The following PTER variants were observed in gnomAD, a reference collection of about 807,000 sequenced individuals.
The protein encoded by PTER is phosphotriesterase related.
A neutral mutation model predicts 29.6 loss-of-function variants in PTER; 38 were observed. The ratio of observed to expected loss-of-function variants is 1.28; its 90% CI spans 0.99 to 1.68. PTER has a LOEUF of 1.68. Ranked by LOEUF, PTER falls within the 40% of genes most tolerant of loss-of-function variation. The probability of loss-of-function intolerance (pLI) is 0.00; values close to 1 mark genes in which losing one functional copy is unlikely to be tolerated. For synonymous variants in PTER, 172 were observed against 154.5 expected, an observed-to-expected ratio of 1.11 and a Z score of -0.84; for missense variants, 482 against 427.8, an observed-to-expected ratio of 1.13 and a Z score of -1.12.
At chr10:16,482,451 T>C (rs879513928) in intron 1 of PTER, among the ~76,000 whole-genome samples, 5 of 152,362 alleles carry the variant, frequency 3.3e-5, no homozygotes, top group Admixed American at 2.0e-4. Flanking sequence ...TTGTTGAATA[T>C]GGTCTGCGTG....
At chr10:16,502,665 G>T (rs1189427996) in intron 3 of PTER, among the ~76,000 whole-genome samples, 1 of 152,008 alleles carries the variant, frequency 6.6e-6, no homozygotes, top group Non-Finnish European at 1.5e-5. Context: ...CGTGGCACAG[G>T]GAGGCTTAAT....
intron 3 of PTER, among the ~76,000 whole-genome samples, chr10:16,501,627 G>T (rs950382727): frequency 6.6e-6 from 1 of 152,170 alleles, no homozygotes; most frequent in Non-Finnish European, 1.5e-5. Context: ...TTCAAGTGCA[G>T]TGTGAGGGTA....
chr10:16,450,171 C>T (rs1328059033), intron 1 of PTER, among the ~76,000 whole-genome samples: 1 of 152,168 alleles, frequency 6.6e-6, no homozygotes, highest in South Asian at 2.1e-4. Context: ...ATGGGTCATA[C>T]TCTGAACCTC....
At chr10:16,487,174 G>A (rs1835734854) in intron 3 of PTER, among the ~76,000 whole-genome samples, 1 of 152,162 alleles carries the variant, frequency 6.6e-6, no homozygotes, top group South Asian at 2.1e-4. Flanking sequence ...TCATGCATTA[G>A]TTTCCTATTG....
chr10:16,450,534 C>G (rs924154389), intron 1 of PTER, among the ~76,000 whole-genome samples: 1 of 152,228 alleles, frequency 6.6e-6, no homozygotes, highest in Admixed American at 6.5e-5. Flanking sequence ...CTTTTCCAGT[C>G]AATGCCCTCA....
chr10:16,510,353 C>T (rs1453155394), intron 4 of PTER, among the ~76,000 whole-genome samples: 1 of 152,178 alleles, frequency 6.6e-6, no homozygotes, highest in Non-Finnish European at 1.5e-5. Flanking sequence ...ATTATTTTAG[C>T]AATCTTGCTG....
At chr10:16,445,114 G>C (rs1343805930) in intron 1 of PTER, among the ~76,000 whole-genome samples, 1 of 152,154 alleles carries the variant, frequency 6.6e-6, no homozygotes, top group Admixed American at 6.5e-5. Context: ...TTAAAAAGGA[G>C]AATAAATGAG....
intron 1 of PTER, among the ~76,000 whole-genome samples, chr10:16,479,963 A>T (rs114242845): frequency 1.3e-5 from 2 of 149,856 alleles, no homozygotes; most frequent in Admixed American, 1.3e-4. Context: ...TGGTGCAAAA[A>T]TAATTCTGGT....
intron 3 of PTER, among the ~76,000 whole-genome samples, chr10:16,490,861 C>A (rs938571415): frequency 7.9e-5 from 12 of 151,796 alleles, no homozygotes; most frequent in African/African-American, 2.7e-4. Flanking sequence ...ACCCTTACTT[C>A]TACCACAGTA....
chr10:16,511,309 A>G lies in PTER; in HGVS notation c.*53A>G. ...AGTATAAAACTTGCAGAGAACATTC[A>G]GCGATTTCCAGTCCACTGTGAGATA... is the stretch of plus-strand genomic sequence containing the variant. On this transcript the variant is annotated 3_prime_UTR_variant, in exon 5 of 5. Coordinates refer to ENST00000535784, the MANE Select transcript of PTER (RefSeq NM_001261836.2). 1 of 1,455,856 alleles carries G rather than the reference A, an allele frequency of 6.9e-7. No homozygotes were observed. Among genetic ancestry groups the G allele is most frequent in the South Asian group, 1.1e-5 (1 of 87,640 alleles). The allele number at this position is 1,455,856 out of a possible 1,614,324, so 90.2% of individuals were successfully genotyped here.
At chr10:16,491,982 A>G (rs1835917334) in intron 3 of PTER, among the ~76,000 whole-genome samples, 2 of 152,120 alleles carry the variant, frequency 1.3e-5, no homozygotes, top group African/African-American at 4.8e-5. Context: ...AACAACAACA[A>G]CAAATTGCTA....
Position 16,486,492 on chromosome 10 carries a change from G to T in PTER, c.573G>T (p.Gln191His). ...RKVLQATAHA[Q>H]AQLGCPVIIH... ...TTCTCCAGGCCACAGCTCATGCCCA[G>T]GCTCAGCTTGGTTGTCCTGTTATTA... Residue 191 changes from glutamine to histidine, a missense_variant, in exon 3 of 5, where the codon CAG (glutamine) becomes CAT (histidine). Physicochemically the swap from Gln to His is conservative, Grantham distance 24. Transcript: ENST00000535784. 1.2e-6 allele frequency: 2 copies of T among 1,614,018 alleles called. No individual in the cohort carries two copies. Among genetic ancestry groups the T allele is most frequent in the Non-Finnish European group, 1.7e-6 (2 of 1,179,960 alleles).
chr10:16,463,299 C>T (rs1440722408), intron 1 of PTER, among the ~76,000 whole-genome samples: 1 of 151,776 alleles, frequency 6.6e-6, no homozygotes, highest in African/African-American at 2.4e-5. Flanking sequence ...TCCTGATAAA[C>T]CACTTAATTA....
chr10:16,502,244 A>G (rs576145216), intron 3 of PTER, among the ~76,000 whole-genome samples: 9 of 152,092 alleles, frequency 5.9e-5, no homozygotes, highest in Non-Finnish European at 1.2e-4. Flanking sequence ...TAATTAACAC[A>G]CTGAATTTAC....
At chr10:16,490,148 C>A (rs1195136282) in intron 3 of PTER, among the ~76,000 whole-genome samples, 1 of 152,302 alleles carries the variant, frequency 6.6e-6, no homozygotes, top group East Asian at 1.9e-4. Context: ...GCCTATACTT[C>A]CGCAGAATCA....
intron 1 of PTER, among the ~76,000 whole-genome samples, chr10:16,444,989 G>T (rs1044685817): frequency 6.6e-6 from 1 of 152,130 alleles, no homozygotes; most frequent in Non-Finnish European, 1.5e-5. Flanking sequence ...GTTTTAAGTG[G>T]AAATGTATTA....
Position 16,447,233 on chromosome 10 carries a change from T to G in PTER, c.-49+10186T>G, listed in dbSNP as rs139435641. 6.0e-3 allele frequency among the ~76,000 whole-genome samples: 915 copies of G among 151,474 alleles called. 10 individuals are homozygous for G. Among genetic ancestry groups the G allele is most frequent in the African/African-American group, 0.021 (871 of 41,268 alleles). On this transcript the variant is annotated intron_variant, in intron 1 of 4. Transcript: ENST00000535784. ...CTCCCACCTCAGCCTCTCAAATAGC[T>G]GAGACGACAGGCACATGCCACACCT...
At chr10:16,501,521 G>C (rs997148317) in intron 3 of PTER, among the ~76,000 whole-genome samples, 1 of 152,196 alleles carries the variant, frequency 6.6e-6, no homozygotes, top group African/African-American at 2.4e-5. Flanking sequence ...CTCTGACTTA[G>C]CAGTTAAAAA....
intron 1 of PTER, among the ~76,000 whole-genome samples, chr10:16,462,551 G>A (rs987723013): frequency 6.7e-6 from 1 of 149,302 alleles, no homozygotes; most frequent in Admixed American, 6.7e-5. Flanking sequence ...GATTTGTGCT[G>A]TGTCTTCCAC....
Sources: gnomAD v4.1 joint callset for allele counts (sites outside exome capture counted in the v4.1 genomes callset) on GRCh38, gnomAD v4.1.1 for gene constraint, MANE v1.5 for transcripts, NCBI Gene and HGNC (gene_info 2026-07-23, HGNC 2026-07-21) for gene names.